Variants in MLLT10 observed in about 807,000 individuals in gnomAD.
MLLT10 encodes the protein protein AF-10.
MLLT10 carries 30 observed loss-of-function variants against 129.1 expected under a neutral mutation model. That is an observed-to-expected ratio of 0.23 (90% CI 0.17 to 0.32). The LOEUF (loss-of-function observed/expected upper bound fraction) is 0.32, where lower values mean the gene tolerates loss of function less well. Ranked by LOEUF, MLLT10 falls within the 10% of genes least tolerant of loss-of-function variation. The pLI is 1.00. For missense variants in MLLT10, 1,119 were observed against 1,268.3 expected (o/e 0.88, Z 1.79); for synonymous variants, 490 against 446.4 (o/e 1.10, Z -1.23).
At chr10:21,621,215 C>T (rs1346763231) in intron 8 of MLLT10, among the ~76,000 whole-genome samples, 4 of 124,856 alleles carry the variant, frequency 3.2e-5, no homozygotes, top group Non-Finnish European at 4.9e-5. Flanking sequence ...AGGATGGTCT[C>T]GATCTCCTGA....
At chr10:21,688,550 A>G (rs373652297) in intron 13 of MLLT10, 111 of 1,608,542 alleles carry the variant, frequency 6.9e-5, no homozygotes, top group Non-Finnish European at 8.6e-5. Context: ...TATGTACCAA[A>G]CTCCAGCATG....
At position 21,688,553 on chromosome 10, in the gene MLLT10, C is replaced by T. The variant is rs368895694; in HGVS notation, c.1699+6296C>T. The T allele has an allele frequency of 1.9e-6, 3 of 1,606,908 alleles. No homozygotes were observed. The African/African-American group carries it at 4.0e-5, about 22-fold the overall frequency. ...TAAATTCATAGGTATGTACCAAACT[C>T]CAGCATGGTTCTAAACATAATAGTG... On this transcript the variant is annotated intron_variant, in intron 13 of 22. Transcript: ENST00000307729.
chr10:21,598,862 AT>A (rs1346506457), intron 5 of MLLT10, among the ~76,000 whole-genome samples: 2 of 151,262 alleles, frequency 1.3e-5, no homozygotes, highest in African/African-American at 2.4e-5. Context: ...TCCAGCCTGA[AT>A]AACGGAGTGA....
At chr10:21,675,347 G>A (rs1233047904) in intron 11 of MLLT10, among the ~76,000 whole-genome samples, 2 of 152,134 alleles carry the variant, frequency 1.3e-5, no homozygotes, top group African/African-American at 4.8e-5. Context: ...AGAATCCCCA[G>A]TCCCTGCCCC....
intron 9 of MLLT10, among the ~76,000 whole-genome samples, chr10:21,664,130 A>G (rs888812003): frequency 3.3e-5 from 5 of 152,108 alleles, no homozygotes; most frequent in Non-Finnish European, 7.4e-5. Flanking sequence ...TCTTTGACCT[A>G]TGAGTTACTT....
intron 8 of MLLT10, chr10:21,625,381 A>T: frequency 3.8e-6 from 3 of 790,496 alleles, no homozygotes; most frequent in Non-Finnish European, 6.7e-6. Flanking sequence ...CTCCAAATTC[A>T]GAAAATGACT....
intron 11 of MLLT10, among the ~76,000 whole-genome samples, chr10:21,677,311 C>A (rs2052268390): frequency 6.6e-6 from 1 of 152,100 alleles, no homozygotes; most frequent in Non-Finnish European, 1.5e-5. Context: ...ATTGAGAAAT[C>A]ATTTAGTAAT....
At chr10:21,574,197 A>AATTT (rs2040498678) in intron 3 of MLLT10, among the ~76,000 whole-genome samples, 1 of 152,174 alleles carries the variant, frequency 6.6e-6, no homozygotes, top group African/African-American at 2.4e-5. Context: ...AGTTTTGATA[A>AATTT]GTTTCATTTT....
intron 8 of MLLT10, among the ~76,000 whole-genome samples, chr10:21,619,845 T>G (rs1186304563): frequency 6.6e-6 from 1 of 152,154 alleles, no homozygotes; most frequent in Non-Finnish European, 1.5e-5. Context: ...TGATTATAAG[T>G]GATACTATAG....
chr10:21,546,149 C>T (rs575605927), intron 3 of MLLT10, among the ~76,000 whole-genome samples: 1 of 151,806 alleles, frequency 6.6e-6, no homozygotes, highest in Non-Finnish European at 1.5e-5. Context: ...GTGATCTCGG[C>T]TCACTGCAAC....
chr10:21,704,349 CTCTCTCTCTATATATATATA>C (rs2055264160), intron 13 of MLLT10, among the ~76,000 whole-genome samples: 1 of 61,848 alleles, frequency 1.6e-5, no homozygotes, highest in East Asian at 2.2e-3. Context: ...CTCTCTCTCT[CTCTCTCTCTATATATATATA>C]TATATATATA....
At chr10:21,562,819 T>G (rs1427014492) in intron 3 of MLLT10, among the ~76,000 whole-genome samples, 1 of 90,502 alleles carries the variant, frequency 1.1e-5, no homozygotes, top group Non-Finnish European at 2.4e-5. Flanking sequence ...GTTTTTTTTG[T>G]TTTTTTTTTT....
At chr10:21,658,915 C>T (rs893316176) in intron 9 of MLLT10, among the ~76,000 whole-genome samples, 1 of 152,094 alleles carries the variant, frequency 6.6e-6, no homozygotes, top group Non-Finnish European at 1.5e-5. Flanking sequence ...ATCCGCCCTC[C>T]TAGGCCTCCC....
chr10:21,714,404 T>C (rs1197738316), intron 14 of MLLT10, among the ~76,000 whole-genome samples: 4 of 152,260 alleles, frequency 2.6e-5, no homozygotes, highest in Non-Finnish European at 5.9e-5. Context: ...CTTCAAGCAC[T>C]ACACATTTTT....
At chr10:21,646,541 T>G (rs1421780132) in intron 8 of MLLT10, among the ~76,000 whole-genome samples, 1 of 152,106 alleles carries the variant, frequency 6.6e-6, no homozygotes, top group Non-Finnish European at 1.5e-5. Flanking sequence ...TACCTTGTGC[T>G]TGTTTAAGCC....
chr10:21,694,249 A>G (rs970483287), intron 13 of MLLT10, among the ~76,000 whole-genome samples: 13 of 152,180 alleles, frequency 8.5e-5, no homozygotes, highest in African/African-American at 2.4e-4. Context: ...TATTACTACC[A>G]TCTAGTTTTC....
Position 21,673,922 on chromosome 10 carries a change from AG to A in MLLT10, c.1621+7del. Reference sequence around the variant, plus strand: ...TGGCTCATCTCCAGTTGGTTCAGGTAGGGGTTTGCCTATTATTATTTTTCTC... The same window carrying A: ...TGGCTCATCTCCAGTTGGTTCAGGTAGGGTTTGCCTATTATTATTTTTCTC... On this transcript the variant is annotated splice_donor_region_variant and intron_variant, in intron 11 of 22. Coordinates refer to ENST00000307729, the MANE Select transcript of MLLT10 (RefSeq NM_001195626.3). 1 of 1,572,020 alleles carries A rather than the reference AG, an allele frequency of 6.4e-7. No individual in the cohort carries two copies. Among genetic ancestry groups the A allele is most frequent in the South Asian group, 1.2e-5 (1 of 83,976 alleles).
intron 2 of MLLT10, 137 bp downstream of exon 2, chr10:21,534,941 G>A (rs1264098600): frequency 4.6e-6 from 2 of 438,810 alleles, no homozygotes; most frequent in African/African-American, 4.3e-5. Context: ...GCGGCGGGGC[G>A]CGGGGGGTGT....
intron 8 of MLLT10, among the ~76,000 whole-genome samples, chr10:21,620,552 G>A (rs1382968106): frequency 1.3e-5 from 2 of 152,152 alleles, no homozygotes; most frequent in Non-Finnish European, 2.9e-5. Flanking sequence ...AGGAGCATCT[G>A]TATTGTATAT....
Sources: gnomAD v4.1 joint callset for allele counts (sites outside exome capture counted in the v4.1 genomes callset) on GRCh38, gnomAD v4.1.1 for gene constraint, MANE v1.5 for transcripts, NCBI Gene and HGNC (gene_info 2026-07-23, HGNC 2026-07-21) for gene names.